TPH2: variants seen among roughly 807,000 people sequenced by gnomAD.
TPH2 encodes the protein tryptophan hydroxylase 2, also known as tryptophan 5-hydroxylase 2.
In TPH2, 27 loss-of-function variants were observed where a neutral mutation model predicts 59.1. The ratio of observed to expected loss-of-function variants is 0.46; its 90% confidence interval spans 0.34 to 0.63. The LOEUF is 0.63. Ranked by LOEUF, TPH2 falls within the 30% of genes least tolerant of loss-of-function variation. The pLI, the probability that TPH2 is intolerant of heterozygous loss-of-function variation, is 0.01. For missense variants in TPH2, 523 were observed against 588.3 expected, an observed-to-expected ratio of 0.89 and a Z score of 1.15; for synonymous variants, 220 against 210.5, an observed-to-expected ratio of 1.05 and a Z score of -0.39.
At chr12:71,967,487 C>T (rs889029597) in intron 5 of TPH2, among the ~76,000 whole-genome samples, 1 of 152,200 alleles carries the variant, frequency 6.6e-6, no homozygotes, top group South Asian at 2.1e-4. Context: ...CTCATACAAT[C>T]TTAGTTTGCC....
intron 8 of TPH2, among the ~76,000 whole-genome samples, chr12:72,018,440 A>G (rs1386486): frequency 0.53 from 80,206 of 152,066 alleles, 22,462 homozygotes; most frequent in Non-Finnish European, 0.64. Flanking sequence ...TGCCAAATCT[A>G]TGTGAAGACT....
At chr12:72,029,966 T>C (rs923287968) in intron 9 of TPH2, among the ~76,000 whole-genome samples, 1 of 152,122 alleles carries the variant, frequency 6.6e-6, no homozygotes, top group African/African-American at 2.4e-5. Context: ...TGTTAGAGAC[T>C]GAGAAGGTAG....
chr12:71,939,864 A>G (rs1871008062), intron 1 of TPH2, among the ~76,000 whole-genome samples: 1 of 152,188 alleles, frequency 6.6e-6, no homozygotes, highest in Non-Finnish European at 1.5e-5. Context: ...ATTAAATGGT[A>G]TTTTATTACT....
chr12:71,974,277 A>G (rs938306506), intron 6 of TPH2, among the ~76,000 whole-genome samples: 6 of 152,168 alleles, frequency 3.9e-5, no homozygotes, highest in Non-Finnish European at 7.3e-5. Flanking sequence ...TTATAGCTGT[A>G]ACAACACATT....
chr12:71,983,789 C>CAG (rs992820014), intron 7 of TPH2, among the ~76,000 whole-genome samples: 2 of 136,364 alleles, frequency 1.5e-5, no homozygotes, highest in South Asian at 2.6e-4. Context: ...GAGAGAGAGA[C>CAG]AGAGAGAGAG....
chr12:72,009,209 C>T (rs1394146571), intron 8 of TPH2, among the ~76,000 whole-genome samples: 2 of 152,142 alleles, frequency 1.3e-5, no homozygotes, highest in Non-Finnish European at 2.9e-5. Flanking sequence ...AATCACCTGC[C>T]TGTCCTGCCT....
At position 71,944,313 on chromosome 12, in the gene TPH2, T is replaced by C. The variant is rs924561014; in HGVS notation, c.275T>C (p.Val92Ala). The part of the protein sequence containing the change: ...RLFQEKRVNM[V>A]HIESRKSRRR... ...CCACAGGAAAAACGTGTCAACATGG[T>C]TCATATTGAATCCAGGAAATCTCGG... The change falls in exon 3 of 11, where the codon GTT becomes GCT. Residue 92 changes from valine to alanine, a missense_variant. Physicochemically the swap from Val to Ala is moderately conservative, Grantham distance 64. Transcript: ENST00000333850. 1.9e-6 allele frequency: 3 copies of C among 1,613,662 alleles called. No individual in the cohort carries two copies. The highest frequency in any genetic ancestry group is 2.7e-5 in the African/African-American group (2 of 74,880).
intron 6 of TPH2, 44 bp downstream of exon 6, chr12:71,972,759 A>G: frequency 3.8e-6 from 6 of 1,582,456 alleles, no homozygotes; most frequent in Non-Finnish European, 5.2e-6. Flanking sequence ...AATATCCTCA[A>G]TTGCCTTCCA....
chr12:72,021,028 A>G (rs568124708), intron 8 of TPH2, among the ~76,000 whole-genome samples: 64 of 36,528 alleles, frequency 1.8e-3, no homozygotes, highest in African/African-American at 3.4e-3. Flanking sequence ...GGAAATAATT[A>G]TTATTTTCTG....
At chr12:71,987,077 CT>C (rs1399128763) in intron 7 of TPH2, among the ~76,000 whole-genome samples, 1 of 152,180 alleles carries the variant, frequency 6.6e-6, no homozygotes, top group East Asian at 1.9e-4. Flanking sequence ...CCACTCATCT[CT>C]ATTAGGTGGA....
chr12:71,996,653 G>A (rs1872701101), intron 8 of TPH2, among the ~76,000 whole-genome samples: 1 of 152,224 alleles, frequency 6.6e-6, no homozygotes. Flanking sequence ...TGGCCAGGCT[G>A]TGTGGAGCTG....
At chr12:71,952,253 G>C (rs1008951336) in intron 5 of TPH2, among the ~76,000 whole-genome samples, 1 of 152,132 alleles carries the variant, frequency 6.6e-6, no homozygotes, top group African/African-American at 2.4e-5. Context: ...TAAGATGAAG[G>C]TGTGATGTCT....
intron 7 of TPH2, among the ~76,000 whole-genome samples, chr12:71,990,036 G>C (rs977572219): frequency 3.4e-4 from 51 of 151,758 alleles, no homozygotes; most frequent in African/African-American, 1.0e-3. Context: ...AGTGAACAGA[G>C]CACATTTGTG....
chr12:71,993,544 C>T (rs74101913), intron 7 of TPH2, among the ~76,000 whole-genome samples: 1 of 152,252 alleles, frequency 6.6e-6, no homozygotes, highest in African/African-American at 2.4e-5. Flanking sequence ...TGAAAGATAC[C>T]TGTCTTTTGC....
intron 5 of TPH2, among the ~76,000 whole-genome samples, chr12:71,967,032 A>G (rs537777235): frequency 1.3e-5 from 2 of 152,352 alleles, no homozygotes; most frequent in South Asian, 4.1e-4. Context: ...GTTAAACAAA[A>G]TGAAATCATT....
Position 71,944,705 on chromosome 12 carries a change from C to T in TPH2, c.540+19C>T, listed in dbSNP as rs1033405314. ...CCACCCAGTAAGTGTCCAGTAAAATCTATTTCTCACATGCTCTTTCAGCTC... is the reference window on the plus strand; with the variant it reads ...CCACCCAGTAAGTGTCCAGTAAAATTTATTTCTCACATGCTCTTTCAGCTC... On this transcript the variant is annotated intron_variant, in intron 4 of 10. Coordinates refer to ENST00000333850, the MANE Select transcript of TPH2 (RefSeq NM_173353.4). 1 of 1,604,786 alleles carries T rather than the reference C, an allele frequency of 6.2e-7. No individual in the cohort carries two copies. Among genetic ancestry groups the T allele is most frequent in the African/African-American group, 1.3e-5 (1 of 74,674 alleles).
intron 8 of TPH2, among the ~76,000 whole-genome samples, chr12:72,021,393 GTGTA>G (rs1340204724): frequency 0.011 from 1,649 of 146,782 alleles, 42 homozygotes; most frequent in African/African-American, 0.041. Context: ...GTGTGTGTGT[GTGTA>G]TGTGTGTATA....
At position 72,010,373 on chromosome 12, in the gene TPH2, G is replaced by A. The variant is rs139396298; in HGVS notation, c.1069-12026G>A. ...ATTACTAAAAGACCCTCAATGTGAC[G>A]GGGACCCCAGCTCAAAGGTATATCT... On this transcript the variant is annotated intron_variant, in intron 8 of 10. Coordinates refer to ENST00000333850, the MANE Select transcript of TPH2 (RefSeq NM_173353.4). Among the ~76,000 whole-genome samples the A allele has an allele frequency of 9.0e-4, 137 of 152,180 alleles. 4 individuals carry two copies. In the East Asian group the frequency reaches 0.014, roughly 16 times the overall value.
intron 5 of TPH2, among the ~76,000 whole-genome samples, chr12:71,969,322 A>G (rs1347641664): frequency 6.6e-6 from 1 of 152,182 alleles, no homozygotes; most frequent in Non-Finnish European, 1.5e-5. Flanking sequence ...ACAAGGATAT[A>G]TCGAAGGCCT....
Sources: gnomAD v4.1 joint callset for allele counts (sites outside exome capture counted in the v4.1 genomes callset) on GRCh38, gnomAD v4.1.1 for gene constraint, MANE v1.5 for transcripts, NCBI Gene and HGNC (gene_info 2026-07-23, HGNC 2026-07-21) for gene names.